Variants in KAT14 observed in about 807,000 individuals in gnomAD.
The protein encoded by KAT14 is lysine acetyltransferase 14.
KAT14 carries 66 observed loss-of-function variants against 78.4 expected under a neutral mutation model. That is an observed-to-expected ratio of 0.84 (90% confidence interval 0.69 to 1.03). KAT14 has a LOEUF of 1.03. Ranked by LOEUF, KAT14 falls within the 50% of genes least tolerant of loss-of-function variation. KAT14 has a pLI of 0.00. For synonymous variants in KAT14, 344 were observed against 359.4 expected (o/e 0.96, Z 0.48); for missense variants, 870 against 972.5 (o/e 0.89, Z 1.40).
intron 4 of KAT14, among the ~76,000 whole-genome samples, chr20:18,152,115 T>TATCC (rs1303634069): frequency 6.6e-6 from 1 of 152,140 alleles, no homozygotes; most frequent in African/African-American, 2.4e-5. Flanking sequence ...AAGAGTTGGA[T>TATCC]AAGTCAATAT....
chr20:18,185,317 T>C (rs992553087), intron 10 of KAT14, among the ~76,000 whole-genome samples: 1 of 152,128 alleles, frequency 6.6e-6, no homozygotes, highest in Non-Finnish European at 1.5e-5. Context: ...TCGAGTGATT[T>C]TCCCGCCTCA....
At position 18,162,030 on chromosome 20, in the gene KAT14, G is replaced by A. The variant is rs749084134; in HGVS notation, c.890G>A (p.Arg297His). ...CCTGTAAAATTCATAAGCCGAGGCC[G>A]CAGGCCAGATGTGATTCTGGAAAAA... The part of the protein sequence containing the change: ...STPVKFISRG[R>H]RPDVILEKGE... Residue 297 changes from arginine to histidine, a missense_variant, in exon 6 of 11, where the codon CGC becomes CAC. Transcript: ENST00000688188. 2.0e-5 allele frequency: 33 copies of A among 1,614,246 alleles called. No homozygotes were observed. The highest frequency in any genetic ancestry group is 6.7e-5 in the East Asian group (3 of 44,888).
intron 7 of KAT14, among the ~76,000 whole-genome samples, chr20:18,179,076 C>G (rs1227387000): frequency 6.6e-6 from 1 of 152,192 alleles, no homozygotes; most frequent in Non-Finnish European, 1.5e-5. Context: ...AAATGATCTC[C>G]TTTGACTCCT....
chr20:18,185,527 G>A (rs1348255062), intron 10 of KAT14, among the ~76,000 whole-genome samples: 1 of 152,164 alleles, frequency 6.6e-6, no homozygotes, highest in Non-Finnish European at 1.5e-5. Context: ...CTGATAGTTT[G>A]TAATTTTACT....
chr20:18,138,308 C>G, intron 1 of KAT14: 5 of 1,179,476 alleles, frequency 4.2e-6, no homozygotes, highest in Non-Finnish European at 5.2e-6. Context: ...TTTGGAGCTC[C>G]GCGCTGAAGG....
At chr20:18,145,498 G>T in intron 3 of KAT14, 147 bp downstream of exon 3, 1 of 1,280,426 alleles carries the variant, frequency 7.8e-7, no homozygotes, top group Non-Finnish European at 1.1e-6. Context: ...CGAATATGTG[G>T]AGAAGGGAGT....
intron 4 of KAT14, among the ~76,000 whole-genome samples, chr20:18,158,185 C>T (rs1420496359): frequency 6.6e-6 from 1 of 152,250 alleles, no homozygotes; most frequent in African/African-American, 2.4e-5. Context: ...ATCCACCCGC[C>T]TCGGCCTCCC....
intron 7 of KAT14, among the ~76,000 whole-genome samples, chr20:18,173,737 T>C (rs757523805): frequency 1.6e-4 from 24 of 152,268 alleles, no homozygotes; most frequent in Non-Finnish European, 2.2e-4. Context: ...TATCTGGTAA[T>C]GAATAAGAGA....
rs886587092 is a variant in KAT14 at position 18,142,771 on chromosome 20, C to A, written c.111C>A (p.Leu37=). 6.2e-7 allele frequency: 1 copy of A among 1,614,190 alleles called. No homozygotes were observed. The highest frequency in any genetic ancestry group is 8.5e-7 in the Non-Finnish European group (1 of 1,180,040). The stretch of plus-strand genomic sequence containing the variant: ...AAGGTGAAGTGGAGGGAGAGACGCT[C>A]CTGATCGTCGAATCCGAGGATCAGG... ...LEEGEVEGET[L]LIVESEDQAS... Residue 37 remains leucine (L), a synonymous_variant, in exon 2 of 11, where the codon CTC becomes CTA. Coordinates refer to ENST00000688188, the MANE Select transcript of KAT14 (RefSeq NM_001392073.1).
intron 4 of KAT14, among the ~76,000 whole-genome samples, chr20:18,157,686 A>G (rs2038273592): frequency 6.6e-6 from 1 of 152,180 alleles, no homozygotes. Flanking sequence ...AATACTTCAT[A>G]TATGTAGAAC....
At chr20:18,165,388 A>T (rs1403070931) in intron 7 of KAT14, among the ~76,000 whole-genome samples, 1 of 152,146 alleles carries the variant, frequency 6.6e-6, no homozygotes, top group African/African-American at 2.4e-5. Context: ...GTACCTATGA[A>T]TGCAGCCTTA....
chr20:18,139,721 T>C (rs1176590980), intron 1 of KAT14, among the ~76,000 whole-genome samples: 3 of 151,648 alleles, frequency 2.0e-5, no homozygotes, highest in Admixed American at 2.0e-4. Flanking sequence ...GGGGCTTACA[T>C]TGTATTAATA....
At chr20:18,140,815 TCTC>T (rs2037510132) in intron 1 of KAT14, among the ~76,000 whole-genome samples, 1 of 77,390 alleles carries the variant, frequency 1.3e-5, no homozygotes, top group Non-Finnish European at 2.4e-5. Flanking sequence ...CGAGACTCCT[TCTC>T]AAAAAAAAAA....
chr20:18,142,979 A>G, intron 2 of KAT14, 60 bp downstream of exon 2: 1 of 1,585,310 alleles, frequency 6.3e-7, no homozygotes, highest in South Asian at 1.1e-5. Context: ...TGTTTTTCCA[A>G]CCTGTGAAAG....
At chr20:18,151,448 C>T (rs185024453) in intron 4 of KAT14, among the ~76,000 whole-genome samples, 205 of 151,734 alleles carry the variant, frequency 1.4e-3, no homozygotes, top group African/African-American at 4.4e-3. Context: ...CTGTCTGCCT[C>T]GGCTTCCCAA....
In KAT14 at chr20:18,159,324, G is replaced by T. The variant is rs1397952168; in HGVS notation, c.682+59G>T. On this transcript the variant is annotated intron_variant, in intron 5 of 10. Transcript: ENST00000688188. ...TCAGACCAGAGCCAAGCAGGTGTGAGCCCAGGAGACGCTCCTGCTTCCACT... is the reference window on the plus strand; with the variant it reads ...TCAGACCAGAGCCAAGCAGGTGTGATCCCAGGAGACGCTCCTGCTTCCACT... 9.6e-6 allele frequency: 15 copies of T among 1,563,238 alleles called. 1 individual carries two copies. The South Asian group carries it at 1.8e-4, about 19-fold the overall frequency.
rs1284497276 is a variant in KAT14 at position 18,161,936 on chromosome 20, G to A, written c.796G>A (p.Glu266Lys). Residue 266 changes from glutamate to lysine, a missense_variant, in exon 6 of 11, where the codon GAA (glutamate) becomes AAA (lysine). Physicochemically the swap from Glu to Lys is moderately conservative, Grantham distance 56. Coordinates refer to ENST00000688188, the MANE Select transcript of KAT14 (RefSeq NM_001392073.1). Reference sequence around the variant, plus strand: ...AAAAGAGAAAAGGTCTCGAACTCAGGAAGCAAAAGACATTAGAAGAGCCCA... The same window carrying A: ...AAAAGAGAAAAGGTCTCGAACTCAGAAAGCAAAAGACATTAGAAGAGCCCA... ...ELKEKRSRTQ[E>K]AKDIRRAQKE... is the part of the protein sequence containing the mutation. The A allele has an allele frequency of 6.2e-7, 1 of 1,614,246 alleles. No homozygotes were observed. Among genetic ancestry groups the A allele is most frequent in the East Asian group, 2.2e-5 (1 of 44,886 alleles).
At chr20:18,148,996 A>G (rs2037939054) in intron 3 of KAT14, among the ~76,000 whole-genome samples, 1 of 152,196 alleles carries the variant, frequency 6.6e-6, no homozygotes, top group Admixed American at 6.5e-5. Flanking sequence ...CCTAGTAAAG[A>G]TTAAGTGATA....
At chr20:18,141,038 T>G (rs1424230928) in intron 1 of KAT14, among the ~76,000 whole-genome samples, 1,027 of 31,600 alleles carry the variant, frequency 0.033, 19 homozygotes, top group South Asian at 0.11. Context: ...TTTTTTTTTT[T>G]TTTTTTTTAT....
Sources: gnomAD v4.1 joint callset for allele counts (sites outside exome capture counted in the v4.1 genomes callset) on GRCh38, gnomAD v4.1.1 for gene constraint, MANE v1.5 for transcripts, NCBI Gene and HGNC (gene_info 2026-07-23, HGNC 2026-07-21) for gene names.